The following RPA3 variants were observed in gnomAD, a reference collection of about 807,000 sequenced individuals.
RPA3 encodes replication protein A 14 kDa subunit.
In RPA3, 24 loss-of-function variants were observed where a neutral mutation model predicts 13.7. That is an observed-to-expected ratio of 1.75 (90% CI 1.27 to 2.46). The LOEUF (loss-of-function observed/expected upper bound fraction) is 2.46, where lower values mean the gene tolerates loss of function less well. RPA3 is among the 30% of genes most tolerant of loss of function. The pLI is 0.00. For missense variants in RPA3, 183 were observed against 151.0 expected (o/e 1.21, Z -1.11); for synonymous variants, 59 against 51.2 (o/e 1.15, Z -0.65).
At chr7:7,707,988 T>C (rs933410933) in intron 2 of RPA3, among the ~76,000 whole-genome samples, 2 of 152,208 alleles carry the variant, frequency 1.3e-5, no homozygotes, top group African/African-American at 4.8e-5. Context: ...TAGTTGTCAC[T>C]TTTTTAATGC....
At chr7:7,644,272 G>A (rs1216634846) in intron 4 of RPA3, among the ~76,000 whole-genome samples, 1 of 149,694 alleles carries the variant, frequency 6.7e-6, no homozygotes, top group Non-Finnish European at 1.5e-5. Flanking sequence ...ACTTTTAAGA[G>A]CTTTTTATTA....
At chr7:7,696,416 T>C (rs1563131382) in intron 2 of RPA3, among the ~76,000 whole-genome samples, 1 of 152,052 alleles carries the variant, frequency 6.6e-6, no homozygotes, top group African/African-American at 2.4e-5. Flanking sequence ...TAATTTTCTA[T>C]AAAAAAATAC....
intron 1 of RPA3, among the ~76,000 whole-genome samples, chr7:7,717,052 C>CTTTTT: frequency 6.8e-6 from 1 of 147,308 alleles, no homozygotes; most frequent in African/African-American, 2.6e-5. Flanking sequence ...TTCTTTCTTT[C>CTTTTT]TTTTTTTCTT....
At chr7:7,673,200 A>G in intron 4 of RPA3, 1 of 760,398 alleles carries the variant, frequency 1.3e-6, no homozygotes, top group South Asian at 1.5e-5. Context: ...TGGCCATAGA[A>G]TTCCTAAGAG....
At chr7:7,716,979 C>A (rs1411880997) in intron 1 of RPA3, among the ~76,000 whole-genome samples, 1 of 152,138 alleles carries the variant, frequency 6.6e-6, no homozygotes, top group African/African-American at 2.4e-5. Context: ...TTGCCCTGAA[C>A]CCGGAAACCC....
intron 4 of RPA3, among the ~76,000 whole-genome samples, chr7:7,670,022 C>T (rs891928345): frequency 6.6e-6 from 1 of 152,184 alleles, no homozygotes; most frequent in Non-Finnish European, 1.5e-5. Flanking sequence ...ATGTAACAGA[C>T]TGCTGCAGCC....
intron 4 of RPA3, among the ~76,000 whole-genome samples, chr7:7,675,407 C>T (rs948567431): frequency 6.6e-6 from 1 of 152,136 alleles, no homozygotes; most frequent in South Asian, 2.1e-4. Flanking sequence ...CCTCCAATTT[C>T]TGGTAGCATG....
intron 2 of RPA3, among the ~76,000 whole-genome samples, chr7:7,701,929 C>T (rs977845528): frequency 4.6e-5 from 7 of 152,166 alleles, no homozygotes; most frequent in Non-Finnish European, 1.0e-4. Flanking sequence ...ATCAGCTATA[C>T]CTCCCTTTTC....
chr7:7,673,310 T>TAGCAGCAGCAGCAGCAGCAGC, intron 4 of RPA3: 283 of 1,033,864 alleles, frequency 2.7e-4, no homozygotes, highest in Middle Eastern at 8.1e-4. Context: ...CTATTTCAGG[T>TAGCAGCAGCAGCAGCAGCAGC]AGCAGCAGCA....
chr7:7,714,107 A>T (rs930211880), intron 2 of RPA3, among the ~76,000 whole-genome samples: 1 of 152,252 alleles, frequency 6.6e-6, no homozygotes, highest in Non-Finnish European at 1.5e-5. Flanking sequence ...AAGATTTTTA[A>T]TTTAATGTCC....
chr7:7,640,793 G>A lies in RPA3; in HGVS notation c.-375C>T, dbSNP rs1051964994. The A allele has an allele frequency of 4.7e-6, 1 of 212,090 alleles. No homozygotes were observed. The highest frequency in any genetic ancestry group is 2.3e-5 in the African/African-American group (1 of 42,792). 13.1% of individuals were successfully genotyped at this position (212,090 alleles called of 1,614,324 possible). A position where few individuals can be genotyped will look rare whatever the true frequency, so the allele number is the denominator to read the frequency against. ...TGGGGTGTGAAGCTCCGGTGCTGGTGCGGCGGGGGACTGCGGGGCCAGCCT... is the reference window on the plus strand; with the variant it reads ...TGGGGTGTGAAGCTCCGGTGCTGGTACGGCGGGGGACTGCGGGGCCAGCCT... On this transcript the variant is annotated 5_prime_UTR_variant, in exon 5 of 8. Coordinates refer to ENST00000223129, the MANE Select transcript of RPA3 (RefSeq NM_002947.5).
Position 7,671,120 on chromosome 7 carries a change from A to G in RPA3, c.-758+14710T>C, listed in dbSNP as rs28915996. Reference sequence around the variant, plus strand: ...GTTTTAAGCATTCAATAATCATATTACTCTTTGAATTGAGACCAGATTATT... The same window carrying G: ...GTTTTAAGCATTCAATAATCATATTGCTCTTTGAATTGAGACCAGATTATT... On this transcript the variant is annotated intron_variant, in intron 4 of 7. Transcript: ENST00000223129. Among the ~76,000 whole-genome samples the G allele has an allele frequency of 6.7e-4, 102 of 152,218 alleles. 1 individual carries two copies. In the East Asian group the frequency reaches 0.018, roughly 27 times the overall value.
At chr7:7,638,917 G>A in intron 6 of RPA3, 153 bp downstream of exon 6, 1 of 478,152 alleles carries the variant, frequency 2.1e-6, no homozygotes, top group East Asian at 3.3e-5. Context: ...TATAATGAGA[G>A]AATAGTACAA....
intron 4 of RPA3, among the ~76,000 whole-genome samples, chr7:7,659,805 T>C (rs756597365): frequency 1.3e-5 from 2 of 152,208 alleles, no homozygotes; most frequent in Non-Finnish European, 2.9e-5. Context: ...GTTCTGTAGA[T>C]GTTTATTAGG....
chr7:7,640,013 A>G (rs3735461), intron 5 of RPA3: 141,691 of 371,524 alleles, frequency 0.38, 30,993 homozygotes, highest in Non-Finnish European at 0.47. Context: ...TGAGTAAACT[A>G]AGAAATCTGA....
In RPA3 at chr7:7,677,559, A is replaced by G. The variant is rs576703289; in HGVS notation, c.-758+8271T>C. 6.8e-4 allele frequency among the ~76,000 whole-genome samples: 103 copies of G among 151,852 alleles called. 1 individual carries two copies. Among genetic ancestry groups the G allele is most frequent in the African/African-American group, 2.3e-3 (97 of 41,358 alleles). On this transcript the variant is annotated intron_variant, in intron 4 of 7. Coordinates refer to ENST00000223129, the MANE Select transcript of RPA3 (RefSeq NM_002947.5). Reference sequence around the variant, plus strand: ...ACTTTACATGATCTCCTCTAGTACCATCTATGTTGTTGCAAAGGACAGGAT... The same window carrying G: ...ACTTTACATGATCTCCTCTAGTACCGTCTATGTTGTTGCAAAGGACAGGAT...
At chr7:7,700,522 C>T (rs1359010224) in intron 2 of RPA3, among the ~76,000 whole-genome samples, 1 of 152,042 alleles carries the variant, frequency 6.6e-6, no homozygotes, top group Non-Finnish European at 1.5e-5. Context: ...GCCATAAGTT[C>T]TAGACCATAC....
At chr7:7,698,855 A>G (rs1388635486) in intron 2 of RPA3, among the ~76,000 whole-genome samples, 2 of 151,322 alleles carry the variant, frequency 1.3e-5, no homozygotes, top group African/African-American at 4.9e-5. Flanking sequence ...CGTTTCCACC[A>G]ACTCACCCTC....
At chr7:7,696,839 T>A (rs1042169536) in intron 2 of RPA3, among the ~76,000 whole-genome samples, 1 of 151,160 alleles carries the variant, frequency 6.6e-6, no homozygotes, top group Non-Finnish European at 1.5e-5. Flanking sequence ...TCTTTCTTCT[T>A]CTTTTTTTTT....
Sources: gnomAD v4.1 joint callset for allele counts (sites outside exome capture counted in the v4.1 genomes callset) on GRCh38, gnomAD v4.1.1 for gene constraint, MANE v1.5 for transcripts, NCBI Gene and HGNC (gene_info 2026-07-23, HGNC 2026-07-21) for gene names.